Variants in MARCHF4 observed in about 807,000 individuals in gnomAD.
MARCHF4 encodes the protein membrane associated ring-CH-type finger 4.
In MARCHF4, 14 loss-of-function variants were observed where a neutral mutation model predicts 43.9. The ratio of observed to expected loss-of-function variants is 0.32; its 90% CI spans 0.21 to 0.50. The LOEUF (loss-of-function observed/expected upper bound fraction) is 0.50. MARCHF4 is among the 20% of genes least tolerant of loss of function. MARCHF4 has a pLI of 0.98. For synonymous variants in MARCHF4, 226 were observed against 213.3 expected (o/e 1.06, Z -0.52); for missense variants, 468 against 536.7 (o/e 0.87, Z 1.27).
intron 1 of MARCHF4, among the ~76,000 whole-genome samples, chr2:216,286,553 G>C (rs897547988): frequency 1.3e-5 from 2 of 151,328 alleles, no homozygotes; most frequent in Non-Finnish European, 2.9e-5. Flanking sequence ...AGAAAATAAA[G>C]CAAGGACAAC....
At chr2:216,350,656 C>A (rs1361886180) in intron 1 of MARCHF4, among the ~76,000 whole-genome samples, 1 of 152,182 alleles carries the variant, frequency 6.6e-6, no homozygotes, top group Non-Finnish European at 1.5e-5. Context: ...ATGCTCCTAC[C>A]ACCAGCTAGA....
At chr2:216,313,119 C>T (rs1691716577) in intron 1 of MARCHF4, among the ~76,000 whole-genome samples, 1 of 152,154 alleles carries the variant, frequency 6.6e-6, no homozygotes. Flanking sequence ...TATCCCAGCA[C>T]CATTAACTGA....
rs397815341 is a variant in MARCHF4 at position 216,258,545 on chromosome 2, T to TGC, written c.*766_*767insGC. ...GTGTGTGTGTGTGTGTGTGTGTGTGTCCTGTAAACATCTTTGAACCAAATC... is the reference window on the plus strand; with the variant it reads ...GTGTGTGTGTGTGTGTGTGTGTGTGTGCCCTGTAAACATCTTTGAACCAAATC... On this transcript the variant is annotated 3_prime_UTR_variant, in exon 4 of 4. Coordinates refer to ENST00000273067, the MANE Select transcript of MARCHF4 (RefSeq NM_020814.3). 6.6e-6 allele frequency: 1 copy of TGC among 150,974 alleles called. No homozygotes were observed. Among genetic ancestry groups the TGC allele is most frequent in the South Asian group, 2.1e-4 (1 of 4,752 alleles). 9.4% of individuals were successfully genotyped at this position (150,974 alleles called of 1,614,324 possible). A position where few individuals can be genotyped will look rare whatever the true frequency, so the allele number is the denominator to read the frequency against.
chr2:216,320,883 G>A (rs1409541186), intron 1 of MARCHF4, among the ~76,000 whole-genome samples: 1 of 134,718 alleles, frequency 7.4e-6, no homozygotes, highest in African/African-American at 2.8e-5. Context: ...GTTTCACCAT[G>A]TTGGTCAGTC....
chr2:216,311,700 T>C (rs1159506889), intron 1 of MARCHF4, among the ~76,000 whole-genome samples: 1 of 152,222 alleles, frequency 6.6e-6, no homozygotes, highest in Admixed American at 6.5e-5. Context: ...TATTATTATT[T>C]TAAATTACCA....
chr2:216,331,010 C>T (rs1445049334), intron 1 of MARCHF4, among the ~76,000 whole-genome samples: 1 of 151,684 alleles, frequency 6.6e-6, no homozygotes, highest in East Asian at 1.9e-4. Context: ...GAAAACAAAA[C>T]AAAACAACAA....
At chr2:216,290,576 T>G (rs1311163446) in intron 1 of MARCHF4, among the ~76,000 whole-genome samples, 2 of 152,160 alleles carry the variant, frequency 1.3e-5, no homozygotes, top group Non-Finnish European at 2.9e-5. Flanking sequence ...GATCTGATCA[T>G]ATTTGACAGG....
At chr2:216,337,422 C>T (rs1692174431) in intron 1 of MARCHF4, among the ~76,000 whole-genome samples, 1 of 151,728 alleles carries the variant, frequency 6.6e-6, no homozygotes, top group Non-Finnish European at 1.5e-5. Flanking sequence ...TTAGTAAACA[C>T]ACAAAAAAAT....
intron 1 of MARCHF4, among the ~76,000 whole-genome samples, chr2:216,301,175 T>G (rs891038032): frequency 2.6e-5 from 4 of 152,184 alleles, no homozygotes; most frequent in African/African-American, 9.6e-5. Context: ...AGAGTTGGTC[T>G]GCTCCCCCAA....
chr2:216,270,405 C>A (rs1690917223), intron 3 of MARCHF4, among the ~76,000 whole-genome samples: 2 of 152,092 alleles, frequency 1.3e-5, no homozygotes, highest in South Asian at 2.1e-4. Context: ...TCTTTTATCA[C>A]CCGCCCCAAC....
intron 1 of MARCHF4, among the ~76,000 whole-genome samples, chr2:216,309,243 C>T (rs575183407): frequency 2.6e-5 from 4 of 152,290 alleles, no homozygotes; most frequent in African/African-American, 4.8e-5. Context: ...TCTGCATCTA[C>T]CCTGAAGCTG....
intron 1 of MARCHF4, among the ~76,000 whole-genome samples, chr2:216,336,766 A>AAAAAAAAC (rs1692164419): frequency 6.8e-6 from 1 of 146,370 alleles, no homozygotes; most frequent in African/African-American, 2.6e-5. Context: ...AAAAAAAAAA[A>AAAAAAAAC]AGCTTTCTGG....
chr2:216,281,356 G>T (rs207815), intron 2 of MARCHF4, among the ~76,000 whole-genome samples: 43,782 of 152,016 alleles, frequency 0.29, 6,908 homozygotes, highest in Non-Finnish European at 0.37. Flanking sequence ...GAGCCACCAT[G>T]CCTGGCCTAT....
At chr2:216,349,809 A>G (rs999551937) in intron 1 of MARCHF4, among the ~76,000 whole-genome samples, 10 of 152,152 alleles carry the variant, frequency 6.6e-5, no homozygotes, top group Non-Finnish European at 1.5e-4. Context: ...AGACCTCAGG[A>G]GTGCCTGGTT....
intron 1 of MARCHF4, among the ~76,000 whole-genome samples, chr2:216,354,901 T>TTC (rs1319666328): frequency 5.6e-5 from 3 of 53,986 alleles, no homozygotes; most frequent in African/African-American, 2.8e-4. Context: ...TTTTCTTTCT[T>TTC]TCTTTCTTTC....
At position 216,351,684 on chromosome 2, in the gene MARCHF4, T is replaced by TA. The variant is rs140497107; in HGVS notation, c.516+18060dup. 3.4e-3 allele frequency among the ~76,000 whole-genome samples: 520 copies of TA among 152,298 alleles called. 6 individuals carry two copies. Among genetic ancestry groups the TA allele is most frequent in the African/African-American group, 0.012 (498 of 41,546 alleles). ...GCCTTGTCCGTTTTGTTTATGACGA[T>TA]ATGGCTATGGCTAGCACAGCATCTA... On this transcript the variant is annotated intron_variant, in intron 1 of 3. Coordinates refer to ENST00000273067, the MANE Select transcript of MARCHF4 (RefSeq NM_020814.3).
intron 1 of MARCHF4, among the ~76,000 whole-genome samples, chr2:216,314,596 TACAGGCAAGAGCC>T (rs973218508): frequency 6.6e-6 from 1 of 152,210 alleles, no homozygotes; most frequent in African/African-American, 2.4e-5. Flanking sequence ...GTGCTGGGGT[TACAGGCAAGAGCC>T]ACCGTGCTTG....
intron 3 of MARCHF4, among the ~76,000 whole-genome samples, chr2:216,268,843 T>C (rs907264671): frequency 1.3e-5 from 2 of 152,188 alleles, no homozygotes; most frequent in Non-Finnish European, 2.9e-5. Flanking sequence ...TTTTGTGGCA[T>C]ATGTATGTTT....
chr2:216,336,558 T>C (rs1445922138), intron 1 of MARCHF4, among the ~76,000 whole-genome samples: 1 of 151,942 alleles, frequency 6.6e-6, no homozygotes, highest in African/African-American at 2.4e-5. Flanking sequence ...GCTTGTTCTG[T>C]CTGTTCTGTC....
Sources: allele counts gnomAD v4.1 joint callset (sites outside exome capture counted in the v4.1 genomes callset), GRCh38; gene constraint gnomAD v4.1.1; transcripts MANE v1.5; gene names NCBI Gene and HGNC (gene_info 2026-07-23, HGNC 2026-07-21).